Variants in SEPTIN9 observed in about 807,000 individuals in gnomAD.
The protein encoded by SEPTIN9 is septin 9, also known as septin-9.
A neutral mutation model predicts 56.6 loss-of-function variants in SEPTIN9; 13 were observed. That is an observed-to-expected ratio of 0.23 (90% CI 0.15 to 0.37). The LOEUF (loss-of-function observed/expected upper bound fraction) is 0.37, where lower values mean the gene tolerates loss of function less well. Ranked by LOEUF, SEPTIN9 falls within the 10% of genes least tolerant of loss-of-function variation. The pLI, the probability that SEPTIN9 is intolerant of heterozygous loss-of-function variation, is 1.00. For synonymous variants in SEPTIN9, 332 were observed against 334.1 expected (o/e 0.99, Z 0.07); for missense variants, 650 against 823.1 (o/e 0.79, Z 2.57).
In SEPTIN9 at chr17:77,456,459, C is replaced by T. The variant is rs748945318; in HGVS notation, c.722-25685C>T. ...AATGGATTGCTGTTACCTGTCGCCT[C>T]TGTGGTTTTGCTGTCAGGATCCTCC... On this transcript the variant is annotated intron_variant, in intron 3 of 11. Transcript: ENST00000427177. This position sits in a 1 kb window ranked among gnomAD's most constrained non-coding sequence, Gnocchi z 6.0. The T allele has an allele frequency of 6.6e-6, 1 of 152,446 alleles. No individual in the cohort carries two copies. The highest frequency in any genetic ancestry group is 2.4e-5 in the African/African-American group (1 of 41,444). 9.4% of individuals were successfully genotyped at this position (152,446 alleles called of 1,614,324 possible).
intron 10 of SEPTIN9, among the ~76,000 whole-genome samples, chr17:77,494,686 C>T (rs185079410): frequency 5.3e-5 from 8 of 151,956 alleles, no homozygotes; most frequent in South Asian, 2.1e-4. Flanking sequence ...CGCACCCACC[C>T]TCCTTGCAGA....
In SEPTIN9 at chr17:77,499,094, G is replaced by A; in HGVS notation, c.*436G>A. 1 of 536,366 alleles carries A rather than the reference G, an allele frequency of 1.9e-6. No individual in the cohort carries two copies. Among genetic ancestry groups the A allele is most frequent in the East Asian group, 3.9e-5 (1 of 25,714 alleles). The allele number at this position is 536,366 out of a possible 1,614,324, so 33.2% of individuals were successfully genotyped here. On this transcript the variant is annotated 3_prime_UTR_variant, in exon 12 of 12. Coordinates refer to ENST00000427177, the MANE Select transcript of SEPTIN9 (RefSeq NM_001113491.2). The stretch of plus-strand genomic sequence containing the variant: ...CCATCCCCATCGGCCCTGTCCCCTG[G>A]AGTGTGTCAGAGCCCAGGGGAGAAT...
At chr17:77,295,958 A>G (rs536719979) in intron 1 of SEPTIN9, among the ~76,000 whole-genome samples, 1 of 152,188 alleles carries the variant, frequency 6.6e-6, no homozygotes, top group East Asian at 1.9e-4. Context: ...CTAACTCCCA[A>G]TGCAGCTGTA....
At chr17:77,348,993 G>A (rs1029090197) in intron 2 of SEPTIN9, among the ~76,000 whole-genome samples, 24 of 152,226 alleles carry the variant, frequency 1.6e-4, no homozygotes, top group Non-Finnish European at 3.1e-4. Flanking sequence ...TGATCTTGGA[G>A]AACTTGCTTC....
At position 77,434,263 on chromosome 17, in the gene SEPTIN9, C is replaced by T. The variant is rs1296528809; in HGVS notation, c.721+31560C>T. Among the ~76,000 whole-genome samples the T allele has an allele frequency of 6.6e-6, 1 of 152,164 alleles. No individual in the cohort carries two copies. The highest frequency in any genetic ancestry group is 1.5e-5 in the Non-Finnish European group (1 of 68,000). ...GTTCTGGCTCCAGGCCCAGCCCCAGCCCCTGTCAGACTTACCCTCCTTGTG... is the reference window on the plus strand; with the variant it reads ...GTTCTGGCTCCAGGCCCAGCCCCAGTCCCTGTCAGACTTACCCTCCTTGTG... On this transcript the variant is annotated intron_variant, in intron 3 of 11. Transcript: ENST00000427177. The surrounding 1 kb of genome is among the most constrained non-coding windows in gnomAD (Gnocchi z 5.0).
rs2035459531 is a variant in SEPTIN9, at chr17:77,389,572, G to T, written c.77-12487G>T. Among the ~76,000 whole-genome samples, 1 of 152,116 alleles carries T rather than the reference G, an allele frequency of 6.6e-6. No homozygotes were observed. The highest frequency in any genetic ancestry group is 2.4e-5 in the African/African-American group (1 of 41,410). On this transcript the variant is annotated intron_variant, in intron 2 of 11. Coordinates refer to ENST00000427177, the MANE Select transcript of SEPTIN9 (RefSeq NM_001113491.2). This position sits in a 1 kb window ranked among gnomAD's most constrained non-coding sequence, Gnocchi z 4.3. Reference sequence around the variant, plus strand: ...TGCCTTCAGCGACAGCCATTTATCAGGGAGTCTTTGACCCAAGGAGACCTG... The same window carrying T: ...TGCCTTCAGCGACAGCCATTTATCATGGAGTCTTTGACCCAAGGAGACCTG...
At chr17:77,343,778 T>C (rs1046725306) in intron 2 of SEPTIN9, among the ~76,000 whole-genome samples, 6 of 152,188 alleles carry the variant, frequency 3.9e-5, no homozygotes, top group African/African-American at 1.4e-4. Context: ...GGAGAATTGC[T>C]TGGGGGTCGG....
intron 1 of SEPTIN9, among the ~76,000 whole-genome samples, chr17:77,306,485 C>T (rs1191962503): frequency 6.6e-6 from 1 of 152,266 alleles, no homozygotes; most frequent in Non-Finnish European, 1.5e-5. Context: ...CTCCAACAAG[C>T]AGCCCCAGGC....
chr17:77,413,087 CGTGTGTGTGTGTGTGTGTGTGTGTGT>C (rs3047410), intron 3 of SEPTIN9, among the ~76,000 whole-genome samples: 1 of 143,918 alleles, frequency 6.9e-6, no homozygotes, highest in Non-Finnish European at 1.5e-5. Context: ...GCGGGTGGGG[CGTGTGTGTGTGTGTGTGTGTGTGTGT>C]GTGTGTGTGC....
rs1598315784 is a variant in SEPTIN9, at chr17:77,402,023, C to T, written c.77-36C>T. 1.3e-6 allele frequency: 2 copies of T among 1,596,902 alleles called. No individual in the cohort carries two copies. The highest frequency in any genetic ancestry group is 1.1e-5 in the South Asian group (1 of 89,658). ...CATGCCGGAGTGTTCCCTAGCCATC[C>T]ATTCACCAATTGCATCCCCTCTCTT... On this transcript the variant is annotated intron_variant, in intron 2 of 11. Transcript: ENST00000427177. This position sits in a 1 kb window ranked among gnomAD's most constrained non-coding sequence, Gnocchi z 6.6.
At chr17:77,331,750 CCCCCGCACAGGCACGGGGGTGCCTCCTT>C (rs1265156919) in intron 2 of SEPTIN9, among the ~76,000 whole-genome samples, 1 of 152,124 alleles carries the variant, frequency 6.6e-6, no homozygotes, top group Non-Finnish European at 1.5e-5. Flanking sequence ...AGATGACCAG[CCCCCGCACAGGCACGGGGGTGCCTCCTT>C]CCCCGCACAG....
chr17:77,486,095 C>A (rs1476004877), intron 4 of SEPTIN9, among the ~76,000 whole-genome samples: 1 of 152,016 alleles, frequency 6.6e-6, no homozygotes, highest in Admixed American at 6.6e-5. Context: ...GGATTACAGG[C>A]GTGAGCCATC....
At chr17:77,373,298 C>T in intron 2 of SEPTIN9, 1 of 1,156,494 alleles carries the variant, frequency 8.6e-7, no homozygotes, top group Non-Finnish European at 1.1e-6. Flanking sequence ...GGCGGGGGCG[C>T]AGCGCGCGGG....
rs1437426235 is a variant in SEPTIN9 at position 77,429,574 on chromosome 17, C to T, written c.721+26871C>T. Among the ~76,000 whole-genome samples the T allele has an allele frequency of 6.6e-6, 1 of 152,154 alleles. No individual in the cohort carries two copies. The highest frequency in any genetic ancestry group is 1.5e-5 in the Non-Finnish European group (1 of 68,036). ...TTTGATCGAAAGGGAACAGGGGACA[C>T]ATCTGGGGACAGTCTCCTTCCTGGA... is the stretch of plus-strand genomic sequence containing the variant. On this transcript the variant is annotated intron_variant, in intron 3 of 11. Coordinates refer to ENST00000427177, the MANE Select transcript of SEPTIN9 (RefSeq NM_001113491.2). This position sits in a 1 kb window ranked among gnomAD's most constrained non-coding sequence, Gnocchi z 5.2.
intron 2 of SEPTIN9, chr17:77,375,356 G>A (rs2034883168): frequency 6.6e-6 from 1 of 152,144 alleles, no homozygotes; most frequent in Admixed American, 6.5e-5. Flanking sequence ...CTAACAGAAA[G>A]TGTCGGGCCC....
chr17:77,321,677 G>A (rs771277396), intron 2 of SEPTIN9, among the ~76,000 whole-genome samples: 3 of 152,112 alleles, frequency 2.0e-5, no homozygotes, highest in Non-Finnish European at 4.4e-5. Flanking sequence ...CGTGAGCCAC[G>A]GCGCCCGGCC....
At chr17:77,355,396 A>G (rs563610673) in intron 2 of SEPTIN9, among the ~76,000 whole-genome samples, 1 of 152,294 alleles carries the variant, frequency 6.6e-6, no homozygotes, top group East Asian at 1.9e-4. Flanking sequence ...CTGTGCGTGT[A>G]GGATTTGTGC....
intron 4 of SEPTIN9, among the ~76,000 whole-genome samples, chr17:77,486,159 T>G (rs531797738): frequency 1.3e-4 from 20 of 149,142 alleles, no homozygotes; most frequent in South Asian, 4.2e-4. Context: ...CACTCTGGAG[T>G]GGCAATGATC....
intron 3 of SEPTIN9, among the ~76,000 whole-genome samples, chr17:77,407,645 AGGGCAGAGGCATCCCT>A (rs1416424804): frequency 6.6e-6 from 1 of 152,068 alleles, no homozygotes; most frequent in African/African-American, 2.4e-5. Context: ...GGCGCTGCAG[AGGGCAGAGGCATCCCT>A]GCCTGCTCCT....
Sources: allele counts gnomAD v4.1 joint callset (sites outside exome capture counted in the v4.1 genomes callset), GRCh38; gene constraint gnomAD v4.1.1; non-coding constraint Gnocchi (gnomAD v3.1); transcripts MANE v1.5; gene names NCBI Gene and HGNC (gene_info 2026-07-23, HGNC 2026-07-21).